UEVLD: variants seen among roughly 807,000 people sequenced by gnomAD.
UEVLD encodes the protein ubiquitin-conjugating enzyme E2 variant 3.
Under a neutral mutation model 58.6 loss-of-function variants are expected in UEVLD, and 47 were observed. The ratio of observed to expected loss-of-function variants is 0.80; its 90% CI spans 0.63 to 1.02. The LOEUF is 1.02. Ranked by LOEUF, UEVLD falls within the 50% of genes least tolerant of loss-of-function variation. The pLI is 0.00. For missense variants in UEVLD, 510 were observed against 550.6 expected, an observed-to-expected ratio of 0.93 and a Z score of 0.74; for synonymous variants, 197 against 195.3, an observed-to-expected ratio of 1.01 and a Z score of -0.07.
intron 7 of UEVLD, among the ~76,000 whole-genome samples, chr11:18,556,154 G>A (rs193288550): frequency 4.6e-5 from 7 of 152,132 alleles, no homozygotes; most frequent in Non-Finnish European, 7.3e-5. Context: ...AGACACACAG[G>A]AAGAAACAAT....
chr11:18,544,053 T>A (rs1851178719), intron 9 of UEVLD, among the ~76,000 whole-genome samples: 1 of 152,242 alleles, frequency 6.6e-6, no homozygotes, highest in Admixed American at 6.5e-5. Context: ...GAAAATTAAA[T>A]TTTTAAATTG....
chr11:18,552,419 C>T (rs1410380184), intron 7 of UEVLD, among the ~76,000 whole-genome samples: 2 of 151,954 alleles, frequency 1.3e-5, no homozygotes, highest in African/African-American at 4.8e-5. Flanking sequence ...TGATGGTGTG[C>T]ACCTGTAATC....
At chr11:18,571,927 C>G (rs992780224) in intron 3 of UEVLD, among the ~76,000 whole-genome samples, 1 of 151,994 alleles carries the variant, frequency 6.6e-6, no homozygotes, top group Non-Finnish European at 1.5e-5. Context: ...AACAGAGCAA[C>G]ACCCTCTCTC....
At position 18,570,352 on chromosome 11, in the gene UEVLD, A is replaced by G; in HGVS notation, c.219T>C (p.Arg73=). Reference sequence around the variant, plus strand: ...AAGGGTGAGAATCCAAAATCCAGAAACGAATTGGTATGTTATATGTATTAC... The same window carrying G: ...AAGGGTGAGAATCCAAAATCCAGAAGCGAATTGGTATGTTATATGTATTAC... ...YQGNTYNIPI[R]FWILDSHPFA... The change falls in exon 4 of 12, where the codon CGT becomes CGC. Residue 73 remains arginine, a synonymous_variant. Coordinates refer to ENST00000396197, the MANE Select transcript of UEVLD (RefSeq NM_001040697.4). 6.4e-7 allele frequency: 1 copy of G among 1,570,248 alleles called. No homozygotes were observed. Among genetic ancestry groups the G allele is most frequent in the Non-Finnish European group, 8.6e-7 (1 of 1,166,452 alleles).
chr11:18,587,006 T>C (rs1296716582), intron 1 of UEVLD, among the ~76,000 whole-genome samples: 3 of 152,138 alleles, frequency 2.0e-5, no homozygotes, highest in African/African-American at 7.2e-5. Context: ...CACTTCAACC[T>C]GGGTGACAGA....
At chr11:18,540,774 GT>G (rs1851019015) in intron 9 of UEVLD, among the ~76,000 whole-genome samples, 1 of 152,154 alleles carries the variant, frequency 6.6e-6, no homozygotes, top group South Asian at 2.1e-4. Flanking sequence ...CTTCCCTGTG[GT>G]TTTATCCTAC....
rs144439359 is a variant in UEVLD at position 18,579,276 on chromosome 11, G to T, written c.43-468C>A. Among the ~76,000 whole-genome samples the T allele has an allele frequency of 6.7e-3, 1,013 of 152,264 alleles. 1 individual carries two copies. The highest frequency in any genetic ancestry group is 0.01 in the Non-Finnish European group (708 of 68,020). ...ACAACAACCCTACCAGGTAGGTAGG[G>T]CTTTACAACTGCTCTATAGGAGCAG... On this transcript the variant is annotated intron_variant, in intron 1 of 11. Coordinates refer to ENST00000396197, the MANE Select transcript of UEVLD (RefSeq NM_001040697.4).
intron 7 of UEVLD, among the ~76,000 whole-genome samples, chr11:18,549,393 T>C (rs954815648): frequency 6.6e-6 from 1 of 152,172 alleles, no homozygotes; most frequent in African/African-American, 2.4e-5. Context: ...GGAGTAAACA[T>C]AGTAGTGGCT....
At chr11:18,558,188 G>T in intron 7 of UEVLD, 40 bp downstream of exon 7, 2 of 1,462,752 alleles carry the variant, frequency 1.4e-6, no homozygotes, top group Non-Finnish European at 1.9e-6. Flanking sequence ...CAAAAATGAA[G>T]ATCTAATAAG....
chr11:18,564,797 C>CAT (rs3832729), intron 6 of UEVLD, 95 bp downstream of exon 6: 323,290 of 843,348 alleles, frequency 0.38, 66,100 homozygotes, highest in East Asian at 0.69. Context: ...GGTTTTCCCA[C>CAT]GACAAAATGA....
intron 4 of UEVLD, among the ~76,000 whole-genome samples, chr11:18,567,446 AAAGT>A (rs768494459): frequency 3.9e-5 from 6 of 152,340 alleles, no homozygotes; most frequent in East Asian, 1.9e-4. Flanking sequence ...CACTATTTAT[AAAGT>A]AAGAAGAGGC....
intron 7 of UEVLD, among the ~76,000 whole-genome samples, chr11:18,553,852 G>C (rs1166570206): frequency 2.0e-5 from 3 of 152,140 alleles, no homozygotes; most frequent in African/African-American, 7.2e-5. Context: ...GGGAAAATGG[G>C]GAGTAACTGC....
At chr11:18,532,553 A>AG in intron 11 of UEVLD, 66 bp from the exon 12 acceptor site, 1 of 1,322,148 alleles carries the variant, frequency 7.6e-7, no homozygotes, top group Non-Finnish European at 1.0e-6. Context: ...ACAAAAATGC[A>AG]TACTTTCTTG....
intron 1 of UEVLD, 79 bp downstream of exon 1, chr11:18,588,534 C>T (rs1853708367): frequency 3.9e-6 from 6 of 1,536,496 alleles, no homozygotes; most frequent in South Asian, 1.2e-5. Context: ...AAACGCAAAA[C>T]GGAGGCAACC....
At chr11:18,584,673 C>A (rs1853447875) in intron 1 of UEVLD, among the ~76,000 whole-genome samples, 1 of 152,150 alleles carries the variant, frequency 6.6e-6, no homozygotes, top group South Asian at 2.1e-4. Flanking sequence ...TGCTCTGTTG[C>A]CCAGGCTGGA....
intron 7 of UEVLD, among the ~76,000 whole-genome samples, chr11:18,557,061 C>T (rs1296264288): frequency 2.1e-5 from 3 of 145,234 alleles, no homozygotes; most frequent in East Asian, 2.0e-4. Context: ...ACTGCACTCA[C>T]GCCTGGGTGA....
Position 18,575,381 on chromosome 11 carries a change from C to G in UEVLD, c.159G>C (p.Leu53=). The G allele has an allele frequency of 6.2e-7, 1 of 1,606,642 alleles. No homozygotes were observed. The highest frequency in any genetic ancestry group is 2.2e-5 in the East Asian group (1 of 44,754). ...VFKDSSQKDL[L]NFTGTIPVMY... Reference sequence around the variant, plus strand: ...TCACAGGAATTGTGCCAGTAAAATTCAGCAGGTCTTTCTGAGAACTATCTT... The same window carrying G: ...TCACAGGAATTGTGCCAGTAAAATTGAGCAGGTCTTTCTGAGAACTATCTT... Residue 53 remains leucine, a synonymous_variant, in exon 3 of 12, where the codon CTG becomes CTC. Coordinates refer to ENST00000396197, the MANE Select transcript of UEVLD (RefSeq NM_001040697.4).
chr11:18,553,209 CCA>C (rs1337462351), intron 7 of UEVLD, among the ~76,000 whole-genome samples: 4 of 149,512 alleles, frequency 2.7e-5, no homozygotes, highest in African/African-American at 9.8e-5. Flanking sequence ...TCCCGTAATC[CCA>C]GTTACTTGGG....
At chr11:18,573,082 G>A (rs182727514) in intron 3 of UEVLD, among the ~76,000 whole-genome samples, 70 of 152,230 alleles carry the variant, frequency 4.6e-4, no homozygotes, top group African/African-American at 1.6e-3. Context: ...AAAAAAAGGT[G>A]GGGGGAGCAC....
Sources: gnomAD v4.1 joint callset for allele counts (sites outside exome capture counted in the v4.1 genomes callset) on GRCh38, gnomAD v4.1.1 for gene constraint, MANE v1.5 for transcripts, NCBI Gene and HGNC (gene_info 2026-07-23, HGNC 2026-07-21) for gene names.